Variants in LY96 observed in about 807,000 individuals in gnomAD.
LY96 encodes the protein lymphocyte antigen 96, also known as myeloid differentiation protein-2.
A neutral mutation model predicts 18.9 loss-of-function variants in LY96; 18 were observed. The observed-to-expected ratio is 0.95, with a 90% CI of 0.66 to 1.41. The LOEUF is 1.41. LY96 is among the 40% of genes most tolerant of loss of function. LY96 has a pLI of 0.00. For synonymous variants in LY96, 66 were observed against 62.6 expected, an observed-to-expected ratio of 1.06 and a Z score of -0.26; for missense variants, 175 against 182.4, an observed-to-expected ratio of 0.96 and a Z score of 0.23.
At chr8:74,042,556 T>A in the LY96 span, among the ~76,000 whole-genome samples, 1 of 152,148 alleles carries the variant, frequency 6.6e-6, no homozygotes, top group African/African-American at 2.4e-5. Context: ...CTCAAAATTC[T>A]GCTTTTTTAC....
chr8:74,029,086 G>A (rs143860972), downstream of LY96: 38 of 1,341,122 alleles, frequency 2.8e-5, no homozygotes, highest in East Asian at 8.3e-4. Flanking sequence ...AAAATTTAAA[G>A]GTATTGTTCC....
intron 3 of LY96, among the ~76,000 whole-genome samples, chr8:74,018,401 A>G (rs1343204438): frequency 6.6e-6 from 1 of 152,214 alleles, no homozygotes; most frequent in Non-Finnish European, 1.5e-5. Flanking sequence ...CACCCAATAC[A>G]GGAGCACCCA....
At chr8:74,053,470 T>G in the LY96 span, among the ~76,000 whole-genome samples, 1 of 152,196 alleles carries the variant, frequency 6.6e-6, no homozygotes. Context: ...CTAGCATGTT[T>G]AGCTCCATAT....
At chr8:74,007,036 G>A (rs1216844098) in intron 2 of LY96, among the ~76,000 whole-genome samples, 1 of 152,184 alleles carries the variant, frequency 6.6e-6, no homozygotes, top group Non-Finnish European at 1.5e-5. Flanking sequence ...GAGTAGGGAG[G>A]AAGGAGAATT....
intron 3 of LY96, among the ~76,000 whole-genome samples, chr8:74,026,200 A>G (rs1816868507): frequency 6.6e-6 from 1 of 152,196 alleles, no homozygotes; most frequent in African/African-American, 2.4e-5. Flanking sequence ...CAAAACATAC[A>G]TTTCTATCTT....
At chr8:73,992,514 GTTGTTTGT>G (rs933892163) in intron 1 of LY96, among the ~76,000 whole-genome samples, 3 of 152,274 alleles carry the variant, frequency 2.0e-5, no homozygotes, top group Non-Finnish European at 4.4e-5. Context: ...AATTTCATTT[GTTGTTTGT>G]TTGTTTGTGT....
the LY96 span, among the ~76,000 whole-genome samples, chr8:74,061,276 A>AT: frequency 6.6e-6 from 1 of 152,194 alleles, no homozygotes; most frequent in African/African-American, 2.4e-5. Flanking sequence ...TATGAATGGG[A>AT]TTAATGCCGT....
In LY96 at chr8:74,004,765, A is replaced by G. The variant is rs559380506; in HGVS notation, c.113-31A>G. On this transcript the variant is annotated intron_variant, in intron 1 of 4. Coordinates refer to ENST00000284818, the MANE Select transcript of LY96 (RefSeq NM_015364.5). ...ATACTTAATGGAGATGATTTGTAGT[A>G]ATTTATTGACATTATCTTTATTGCT... The G allele has an allele frequency of 4.8e-5, 73 of 1,513,292 alleles. No individual in the cohort carries two copies. The South Asian group carries it at 7.8e-4, about 16-fold the overall frequency. 93.7% of individuals were successfully genotyped at this position (1,513,292 alleles called of 1,614,324 possible).
At chr8:74,050,027 T>A in the LY96 span, among the ~76,000 whole-genome samples, 3 of 151,652 alleles carry the variant, frequency 2.0e-5, no homozygotes, top group African/African-American at 7.3e-5. Flanking sequence ...TTTAAATAAA[T>A]AAATAAATAA....
At chr8:74,038,199 G>T in the LY96 span, among the ~76,000 whole-genome samples, 2 of 152,036 alleles carry the variant, frequency 1.3e-5, no homozygotes, top group East Asian at 1.9e-4. Context: ...ACAAACAATT[G>T]AATTATACTC....
rs746233762 is a variant in LY96 at position 73,991,558 on chromosome 8, A to G, written c.112+4A>G. ...AGTATTTCATACACCTACTGTGGTA[A>G]GTAAAACCGCAAAACAAATAATTGT... On this transcript the variant is annotated splice_donor_region_variant and intron_variant, in intron 1 of 4. Transcript: ENST00000284818. 3.9e-6 allele frequency: 6 copies of G among 1,521,706 alleles called. No individual in the cohort carries two copies. The highest frequency in any genetic ancestry group is 3.4e-5 in the South Asian group (3 of 89,198). 94.3% of individuals were successfully genotyped at this position (1,521,706 alleles called of 1,614,324 possible).
At chr8:74,070,098 C>CT in the LY96 span, among the ~76,000 whole-genome samples, 434 of 145,734 alleles carry the variant, frequency 3.0e-3, 3 homozygotes, top group African/African-American at 5.1e-3. Flanking sequence ...AATTTTCTTT[C>CT]TTTTTTTTTT....
intron 4 of LY96, among the ~76,000 whole-genome samples, chr8:74,027,580 CG>C (rs1816896979): frequency 6.6e-6 from 1 of 152,126 alleles, no homozygotes; most frequent in South Asian, 2.1e-4. Context: ...AACTGAGGGT[CG>C]GGCTGCCATT....
the LY96 span, among the ~76,000 whole-genome samples, chr8:74,098,654 G>A: frequency 4.7e-4 from 71 of 152,272 alleles, no homozygotes; most frequent in South Asian, 8.9e-3. Flanking sequence ...ACAAGTGTGA[G>A]CCACCACACC....
chr8:74,033,109 C>G (rs151075604), downstream of LY96, among the ~76,000 whole-genome samples: 5 of 152,212 alleles, frequency 3.3e-5, no homozygotes, highest in South Asian at 2.1e-4. Flanking sequence ...AATCATACGA[C>G]TATTTGAGCA....
the LY96 span, among the ~76,000 whole-genome samples, chr8:74,094,235 G>T: frequency 6.6e-6 from 1 of 151,588 alleles, no homozygotes; most frequent in Admixed American, 6.6e-5. Context: ...ATGACTGTGG[G>T]TGAGGTAGTG....
At chr8:74,050,487 C>T in the LY96 span, among the ~76,000 whole-genome samples, 63 of 152,098 alleles carry the variant, frequency 4.1e-4, 1 homozygote, top group East Asian at 5.4e-3. Flanking sequence ...TTTTGCTTAT[C>T]ATTATCATAT....
At chr8:74,027,978 G>A (rs534031916) in intron 4 of LY96, among the ~76,000 whole-genome samples, 32 of 152,152 alleles carry the variant, frequency 2.1e-4, no homozygotes, top group African/African-American at 6.3e-4. Flanking sequence ...GAGTTTCTTC[G>A]GACCCACAAT....
At chr8:74,002,071 C>T (rs1368302634) in intron 1 of LY96, among the ~76,000 whole-genome samples, 3 of 31,532 alleles carry the variant, frequency 9.5e-5, no homozygotes, top group African/African-American at 2.2e-4. Flanking sequence ...TCCTTCCTTC[C>T]TTCCTTTCTT....
Sources: gnomAD v4.1 joint callset for allele counts (sites outside exome capture counted in the v4.1 genomes callset) on GRCh38, gnomAD v4.1.1 for gene constraint, MANE v1.5 for transcripts, NCBI Gene and HGNC (gene_info 2026-07-23, HGNC 2026-07-21) for gene names.